The following SNX3 variants were observed in gnomAD, a reference collection of about 807,000 sequenced individuals.
The protein encoded by SNX3 is sorting nexin 3, also known as sorting nexin-3.
Under a neutral mutation model 17.7 loss-of-function variants are expected in SNX3, and 5 were observed. The ratio of observed to expected loss-of-function variants is 0.28; its 90% confidence interval spans 0.15 to 0.59. The LOEUF (loss-of-function observed/expected upper bound fraction) is 0.59. Ranked by LOEUF, SNX3 falls within the 20% of genes least tolerant of loss-of-function variation. The pLI, the probability that SNX3 is intolerant of heterozygous loss-of-function variation, is 0.88. For synonymous variants in SNX3, 91 were observed against 76.5 expected (o/e 1.19, Z -0.99); for missense variants, 132 against 206.8 (o/e 0.64, Z 2.22).
intron 1 of SNX3, among the ~76,000 whole-genome samples, chr6:108,250,927 TCTG>T (rs1001047938): frequency 2.0e-5 from 3 of 152,244 alleles, no homozygotes; most frequent in African/African-American, 4.8e-5. Flanking sequence ...TCTCTACTTC[TCTG>T]CTAAGAGATT....
intron 3 of SNX3, among the ~76,000 whole-genome samples, chr6:108,214,193 CAGAA>C (rs1774495533): frequency 6.6e-6 from 1 of 152,060 alleles, no homozygotes; most frequent in Admixed American, 6.5e-5. Context: ...TACCTTAAAT[CAGAA>C]AGAATCATAA....
rs1270043129 is a variant in SNX3, at chr6:108,211,278, C to T, written c.*871G>A. 1 of 152,180 alleles carries T rather than the reference C, an allele frequency of 6.6e-6. No individual in the cohort carries two copies. The highest frequency in any genetic ancestry group is 2.4e-5 in the African/African-American group (1 of 41,454). 9.4% of individuals were successfully genotyped at this position (152,180 alleles called of 1,614,324 possible). On this transcript the variant is annotated 3_prime_UTR_variant, in exon 4 of 4. Transcript: ENST00000230085. Reference sequence around the variant, plus strand: ...GATTATAAAGCAGTTTTCAAATACACAAAGTGCTTCAAAATGATTCAATAA... The same window carrying T: ...GATTATAAAGCAGTTTTCAAATACATAAAGTGCTTCAAAATGATTCAATAA...
At chr6:108,219,423 T>C (rs988178644) in intron 2 of SNX3, among the ~76,000 whole-genome samples, 4 of 151,990 alleles carry the variant, frequency 2.6e-5, no homozygotes, top group African/African-American at 9.7e-5. Context: ...CTGGGCAACA[T>C]AGTGAAGCCT....
intron 1 of SNX3, among the ~76,000 whole-genome samples, chr6:108,223,497 C>A: frequency 9.1e-6 from 1 of 110,368 alleles, no homozygotes; most frequent in Non-Finnish European, 1.7e-5. Flanking sequence ...TTTGCTAGTT[C>A]TTTTTTTTTT....
At chr6:108,217,984 T>C (rs1355724001) in intron 2 of SNX3, among the ~76,000 whole-genome samples, 2 of 152,224 alleles carry the variant, frequency 1.3e-5, no homozygotes, top group African/African-American at 4.8e-5. Context: ...TTGATTACAT[T>C]GTTCTTTGCA....
At chr6:108,243,171 C>T (rs941823464) in intron 1 of SNX3, among the ~76,000 whole-genome samples, 3 of 152,196 alleles carry the variant, frequency 2.0e-5, no homozygotes, top group South Asian at 4.1e-4. Flanking sequence ...GGCATGATCA[C>T]AGCACACTGC....
At chr6:108,221,233 C>T (rs1774760210) in intron 2 of SNX3, among the ~76,000 whole-genome samples, 1 of 151,914 alleles carries the variant, frequency 6.6e-6, no homozygotes, top group Non-Finnish European at 1.5e-5. Context: ...ATGAGAGTGG[C>T]TCCCCTGGCA....
chr6:108,243,568 GAAAAAGA>G (rs1339768894), intron 1 of SNX3, among the ~76,000 whole-genome samples: 9 of 151,938 alleles, frequency 5.9e-5, no homozygotes, highest in South Asian at 4.2e-4. Context: ...GGGAACCTTA[GAAAAAGA>G]AAAAAGAAAT....
At chr6:108,244,247 C>G (rs1775615702) in intron 1 of SNX3, among the ~76,000 whole-genome samples, 1 of 152,114 alleles carries the variant, frequency 6.6e-6, no homozygotes, top group Non-Finnish European at 1.5e-5. Flanking sequence ...CCTCGACCTC[C>G]TGGGCTCAAA....
intron 1 of SNX3, among the ~76,000 whole-genome samples, chr6:108,247,336 G>A (rs192980417): frequency 1.6e-4 from 24 of 152,022 alleles, no homozygotes; most frequent in African/African-American, 5.5e-4. Context: ...AACGATTATT[G>A]CTAAGTAAGA....
chr6:108,244,508 A>C (rs1007740307), intron 1 of SNX3, among the ~76,000 whole-genome samples: 1 of 152,166 alleles, frequency 6.6e-6, no homozygotes, highest in Non-Finnish European at 1.5e-5. Flanking sequence ...TACATAATAT[A>C]AAATTATTTT....
chr6:108,237,555 G>A (rs942572193), intron 1 of SNX3, among the ~76,000 whole-genome samples: 3 of 152,174 alleles, frequency 2.0e-5, no homozygotes, highest in Non-Finnish European at 4.4e-5. Flanking sequence ...GGAGGCCGAG[G>A]CAGGCGGATC....
At chr6:108,254,373 G>A (rs1775969896) in intron 1 of SNX3, among the ~76,000 whole-genome samples, 1 of 152,062 alleles carries the variant, frequency 6.6e-6, no homozygotes, top group South Asian at 2.1e-4. Context: ...CGAAGGTTGG[G>A]AGGGTTGCCT....
intron 2 of SNX3, among the ~76,000 whole-genome samples, chr6:108,215,709 G>C (rs990160713): frequency 6.6e-6 from 1 of 152,140 alleles, no homozygotes; most frequent in Non-Finnish European, 1.5e-5. Flanking sequence ...GGGAGGCCAA[G>C]GCAGGCGGGA....
intron 2 of SNX3, among the ~76,000 whole-genome samples, chr6:108,222,491 A>G (rs1216928242): frequency 6.6e-6 from 1 of 152,240 alleles, no homozygotes; most frequent in African/African-American, 2.4e-5. Flanking sequence ...GAAGAATATC[A>G]GCACATATCA....
intron 1 of SNX3, among the ~76,000 whole-genome samples, chr6:108,231,232 C>T (rs1365908987): frequency 1.3e-5 from 2 of 151,956 alleles, no homozygotes; most frequent in African/African-American, 2.4e-5. Flanking sequence ...ATTACAGGCA[C>T]GCGCCACCAC....
rs561379406 is a variant in SNX3, at chr6:108,259,041, A to G, written c.162+1719T>C. Among the ~76,000 whole-genome samples, 126 of 152,244 alleles carry G rather than the reference A, an allele frequency of 8.3e-4. 1 individual carries two copies. The highest frequency in any genetic ancestry group is 1.1e-3 in the Non-Finnish European group (77 of 68,020). The stretch of plus-strand genomic sequence containing the variant: ...ATACCAAGTTCTGTTTTAGCACAAG[A>G]AAGAAAAAAAAAGAAAATACTAGTG... On this transcript the variant is annotated intron_variant, in intron 1 of 3. Coordinates refer to ENST00000230085, the MANE Select transcript of SNX3 (RefSeq NM_003795.6).
At chr6:108,256,074 T>C (rs899934594) in intron 1 of SNX3, among the ~76,000 whole-genome samples, 1 of 151,668 alleles carries the variant, frequency 6.6e-6, no homozygotes, top group African/African-American at 2.4e-5. Context: ...TACAAATAAT[T>C]TAAAAATTAG....
chr6:108,214,050 A>G (rs1774488932), intron 3 of SNX3, among the ~76,000 whole-genome samples: 1 of 152,220 alleles, frequency 6.6e-6, no homozygotes, highest in East Asian at 1.9e-4. Context: ...GTCTTCTTAC[A>G]TTTTCAAAAG....
Sources: allele counts gnomAD v4.1 joint callset (sites outside exome capture counted in the v4.1 genomes callset), GRCh38; gene constraint gnomAD v4.1.1; transcripts MANE v1.5; gene names NCBI Gene and HGNC (gene_info 2026-07-23, HGNC 2026-07-21).